TOGARAM1: variants seen among roughly 807,000 people sequenced by gnomAD.
The protein encoded by TOGARAM1 is TOG array regulator of axonemal microtubules 1.
TOGARAM1 carries 100 observed loss-of-function variants against 166.6 expected under a neutral mutation model. The observed-to-expected ratio is 0.60, with a 90% CI of 0.51 to 0.71. The LOEUF is 0.71. TOGARAM1 is among the 30% of genes least tolerant of loss of function. The probability of loss-of-function intolerance (pLI) is 0.00; values close to 1 mark genes in which losing one functional copy is unlikely to be tolerated. For missense variants in TOGARAM1, 2,029 were observed against 2,102.7 expected (o/e 0.96, Z 0.69); for synonymous variants, 758 against 763.8 (o/e 0.99, Z 0.13).
At chr14:45,026,063 T>TA (rs1465466867) in intron 8 of TOGARAM1, among the ~76,000 whole-genome samples, 191 bp downstream of exon 8, 1 of 152,216 alleles carries the variant, frequency 6.6e-6, no homozygotes, top group Non-Finnish European at 1.5e-5. Flanking sequence ...CTAATGAAAC[T>TA]ATAGTAAATT....
intron 16 of TOGARAM1, among the ~76,000 whole-genome samples, chr14:45,055,630 C>A (rs1301955320): frequency 1.3e-5 from 2 of 151,784 alleles, no homozygotes; most frequent in African/African-American, 2.4e-5. Flanking sequence ...TAGTGAAACC[C>A]CGTCTCTAGT....
intron 1 of TOGARAM1, among the ~76,000 whole-genome samples, chr14:44,970,334 A>G (rs1207970744): frequency 6.6e-6 from 1 of 152,128 alleles, no homozygotes; most frequent in Non-Finnish European, 1.5e-5. Context: ...TTCAAATTCC[A>G]CTTGTTCATT....
At chr14:44,964,520 T>C (rs1885406288) in intron 1 of TOGARAM1, 53 bp downstream of exon 1, 5 of 1,504,452 alleles carry the variant, frequency 3.3e-6, no homozygotes, top group Non-Finnish European at 4.4e-6. Flanking sequence ...TAAATGAAAA[T>C]ATGCCCGTGA....
In TOGARAM1 at chr14:45,071,713, C is replaced by G; in HGVS notation, c.4971C>G (p.Asp1657Glu). The change falls in exon 19 of 20, where the codon GAC becomes GAG. Residue 1657 changes from aspartate to glutamate, a missense_variant and splice_region_variant. Coordinates refer to ENST00000361462, the MANE Select transcript of TOGARAM1 (RefSeq NM_001308120.2). ...NVVQALSQHV[D>E]NYLLLQPFCT... Reference sequence around the variant, plus strand: ...TGTCTCTGTGTTCTTTTTGTTTAGACAATTACTTACTTCTACAGCCATTTT... The same window carrying G: ...TGTCTCTGTGTTCTTTTTGTTTAGAGAATTACTTACTTCTACAGCCATTTT... 6.2e-7 allele frequency: 1 copy of G among 1,605,694 alleles called. No homozygotes were observed. The highest frequency in any genetic ancestry group is 8.5e-7 in the Non-Finnish European group (1 of 1,175,676).
intron 11 of TOGARAM1, among the ~76,000 whole-genome samples, chr14:45,039,977 A>T (rs1306994742): frequency 6.6e-6 from 1 of 152,196 alleles, no homozygotes; most frequent in Non-Finnish European, 1.5e-5. Flanking sequence ...ATGTGACCCA[A>T]TTAACATTTA....
chr14:45,033,246 C>G (rs967662549), intron 11 of TOGARAM1, among the ~76,000 whole-genome samples: 1 of 137,758 alleles, frequency 7.3e-6, no homozygotes. Flanking sequence ...GAGTGAAACT[C>G]TGTCTCAAAA....
In TOGARAM1 at chr14:45,027,871, C is replaced by G. The variant is rs181615146; in HGVS notation, c.3505-305C>G. On this transcript the variant is annotated intron_variant, in intron 9 of 19. Coordinates refer to ENST00000361462, the MANE Select transcript of TOGARAM1 (RefSeq NM_001308120.2). ...CCTGGGCAATACAGTGAAACTGTCT[C>G]AAGAAAAAAAAAAAAAAGAAATTTT... Among the ~76,000 whole-genome samples, 363 of 131,544 alleles carry G rather than the reference C, an allele frequency of 2.8e-3. 6 individuals are homozygous for G. The highest frequency in any genetic ancestry group is 0.025 in the Admixed American group (320 of 13,050). 86.3% of individuals were successfully genotyped at this position (131,544 alleles called of 152,430 possible).
At position 45,064,624 on chromosome 14, in the gene TOGARAM1, C is replaced by T. The variant is rs1883054575; in HGVS notation, c.4560-1954C>T. Among the ~76,000 whole-genome samples, 3 of 152,182 alleles carry T rather than the reference C, an allele frequency of 2.0e-5. No homozygotes were observed. The South Asian group carries it at 6.2e-4, about 32-fold the overall frequency. On this transcript the variant is annotated intron_variant, in intron 16 of 19. Coordinates refer to ENST00000361462, the MANE Select transcript of TOGARAM1 (RefSeq NM_001308120.2). ...TACCTGGGACTACAAGCCCATGCCA[C>T]CCCTACCCTGTCACTCAGCTAGTTT... is the stretch of plus-strand genomic sequence containing the variant.
intron 1 of TOGARAM1, among the ~76,000 whole-genome samples, chr14:44,976,253 T>C (rs1286951082): frequency 2.0e-5 from 3 of 152,200 alleles, no homozygotes; most frequent in Non-Finnish European, 4.4e-5. Flanking sequence ...TCGTTGCCTA[T>C]CTACATTTAA....
At chr14:45,057,129 A>G (rs1246275268) in intron 16 of TOGARAM1, among the ~76,000 whole-genome samples, 1 of 152,084 alleles carries the variant, frequency 6.6e-6, no homozygotes, top group Non-Finnish European at 1.5e-5. Flanking sequence ...AGGAATTGAA[A>G]TGTAGTTGCT....
chr14:45,041,412 A>G (rs1881720222), intron 11 of TOGARAM1, among the ~76,000 whole-genome samples: 1 of 152,206 alleles, frequency 6.6e-6, no homozygotes, highest in Non-Finnish European at 1.5e-5. Context: ...AAACAAAACA[A>G]AACAAAAAAG....
intron 15 of TOGARAM1, among the ~76,000 whole-genome samples, chr14:45,052,961 T>C (rs1882446109): frequency 6.6e-6 from 1 of 152,136 alleles, no homozygotes; most frequent in African/African-American, 2.4e-5. Context: ...TTACCTTGCA[T>C]GTCCCACTAT....
At chr14:44,970,108 G>C (rs995471827) in intron 1 of TOGARAM1, among the ~76,000 whole-genome samples, 1 of 152,094 alleles carries the variant, frequency 6.6e-6, no homozygotes, top group African/African-American at 2.4e-5. Flanking sequence ...GGATTGCATT[G>C]AATCTATAGA....
intron 15 of TOGARAM1, among the ~76,000 whole-genome samples, chr14:45,053,360 C>T (rs558553454): frequency 6.6e-6 from 1 of 152,068 alleles, no homozygotes; most frequent in Non-Finnish European, 1.5e-5. Flanking sequence ...CTTATTTGTC[C>T]TGGTAGATAA....
Position 45,009,101 on chromosome 14 carries a change from A to G in TOGARAM1, c.3093A>G (p.Ser1031=), listed in dbSNP as rs764086170. The G allele has an allele frequency of 1.2e-6, 2 of 1,614,096 alleles. No homozygotes were observed. Among genetic ancestry groups the G allele is most frequent in the East Asian group, 2.2e-5 (1 of 44,870 alleles). The part of the protein sequence containing the change: ...YSESGVYSQE[S]LTSSLSTTPQ... Reference sequence around the variant, plus strand: ...AAAGTGGAGTTTACAGCCAAGAATCATTGACTTCTTCTCTGTCTACAACTC... The same window carrying G: ...AAAGTGGAGTTTACAGCCAAGAATCGTTGACTTCTTCTCTGTCTACAACTC... Residue 1031 remains serine (S), a synonymous_variant, in exon 6 of 20, where the codon TCA becomes TCG. Coordinates refer to ENST00000361462, the MANE Select transcript of TOGARAM1 (RefSeq NM_001308120.2).
At chr14:45,028,796 T>A (rs763035277) in intron 10 of TOGARAM1, among the ~76,000 whole-genome samples, 1 of 152,128 alleles carries the variant, frequency 6.6e-6, no homozygotes. Flanking sequence ...TAGTAGCAAC[T>A]AGGAAAAATC....
intron 18 of TOGARAM1, among the ~76,000 whole-genome samples, chr14:45,068,869 T>C (rs1398880089): frequency 6.6e-6 from 1 of 152,140 alleles, no homozygotes; most frequent in Non-Finnish European, 1.5e-5. Context: ...TTTATTTCTT[T>C]TTCTGCCTCA....
intron 1 of TOGARAM1, among the ~76,000 whole-genome samples, chr14:44,982,235 C>T (rs1207954187): frequency 6.6e-6 from 1 of 152,082 alleles, no homozygotes; most frequent in Non-Finnish European, 1.5e-5. Context: ...TTTAACTTAT[C>T]TCTTACTTTG....
At position 44,963,636 on chromosome 14, in the gene TOGARAM1, T is replaced by G; in HGVS notation, c.1215T>G (p.Asp405Glu). 6.2e-7 allele frequency: 1 copy of G among 1,613,376 alleles called. No homozygotes were observed. The highest frequency in any genetic ancestry group is 1.1e-5 in the South Asian group (1 of 91,080). ...FISLLYNLLD[D>E]SNFKVVHGTL... ...GTTTGCTATATAATTTGTTAGACGA[T>G]TCTAACTTCAAAGTGGTGCATGGCA... The change falls in exon 1 of 20, where the codon GAT becomes GAG. Residue 405 changes from aspartate to glutamate, a missense_variant. Around this residue, in one of 2 missense-constraint regions of TOGARAM1, gnomAD observed 1,453 missense variants for 1,432.2 expected, o/e 1.01. Coordinates refer to ENST00000361462, the MANE Select transcript of TOGARAM1 (RefSeq NM_001308120.2).
Sources: gnomAD v4.1 joint callset for allele counts (sites outside exome capture counted in the v4.1 genomes callset) on GRCh38, gnomAD v4.1.1 for gene constraint, gnomAD v4.1.1 regional missense constraint, MANE v1.5 for transcripts, NCBI Gene and HGNC (gene_info 2026-07-23, HGNC 2026-07-21) for gene names.